The following PDE4D variants were observed in gnomAD, a reference collection of about 807,000 sequenced individuals.
The protein encoded by PDE4D is 3',5'-cyclic-AMP phosphodiesterase 4D.
In PDE4D, 24 loss-of-function variants were observed where a neutral mutation model predicts 87.4. The observed-to-expected ratio is 0.27, with a 90% CI of 0.20 to 0.39. The LOEUF (loss-of-function observed/expected upper bound fraction) is 0.39. PDE4D is among the 10% of genes least tolerant of loss of function. The probability of loss-of-function intolerance (pLI) is 1.00; values close to 1 mark genes in which losing one functional copy is unlikely to be tolerated. For missense variants in PDE4D, 714 were observed against 1,041.0 expected, an observed-to-expected ratio of 0.69 and a Z score of 4.32; for synonymous variants, 384 against 383.2, an observed-to-expected ratio of 1.00 and a Z score of -0.02.
intron 1 of PDE4D, among the ~76,000 whole-genome samples, chr5:60,509,155 A>C (rs1051446138): frequency 3.3e-5 from 5 of 152,176 alleles, no homozygotes; most frequent in African/African-American, 1.2e-4. Flanking sequence ...TCTTCTTATT[A>C]CAGCCTTCTT....
intron 2 of PDE4D, among the ~76,000 whole-genome samples, chr5:60,085,210 G>A (rs1774403853): frequency 6.6e-6 from 1 of 152,066 alleles, no homozygotes; most frequent in Admixed American, 6.6e-5. Flanking sequence ...AATGAGAGGG[G>A]AAAAGAGTTC....
chr5:60,004,239 G>A (rs991140229), intron 2 of PDE4D, among the ~76,000 whole-genome samples: 6 of 152,086 alleles, frequency 3.9e-5, no homozygotes, highest in African/African-American at 1.4e-4. Flanking sequence ...ACATATGGAT[G>A]ATAGAAAATA....
chr5:60,336,793 G>C (rs965028846), intron 1 of PDE4D, among the ~76,000 whole-genome samples: 1 of 152,098 alleles, frequency 6.6e-6, no homozygotes, highest in Non-Finnish European at 1.5e-5. Context: ...TTCCCACACT[G>C]GCAATACCCA....
At chr5:59,783,994 G>C (rs1327916586) in intron 1 of PDE4D, among the ~76,000 whole-genome samples, 1 of 152,162 alleles carries the variant, frequency 6.6e-6, no homozygotes, top group East Asian at 1.9e-4. Flanking sequence ...GAAGGTCAAG[G>C]CTGCAGTGAG....
intron 1 of PDE4D, among the ~76,000 whole-genome samples, chr5:59,516,754 T>G (rs1228607218): frequency 6.6e-6 from 1 of 152,158 alleles, no homozygotes; most frequent in East Asian, 1.9e-4. Flanking sequence ...AACAATATTT[T>G]TAAGGCTTAA....
intron 3 of PDE4D, among the ~76,000 whole-genome samples, chr5:59,911,201 G>T (rs1753402601): frequency 6.6e-6 from 1 of 152,166 alleles, no homozygotes; most frequent in South Asian, 2.1e-4. Context: ...TGCGATTTAG[G>T]AATCATGCAT....
chr5:60,418,888 A>T (rs1742852766), intron 1 of PDE4D, among the ~76,000 whole-genome samples: 1 of 152,086 alleles, frequency 6.6e-6, no homozygotes, highest in South Asian at 2.1e-4. Flanking sequence ...TTGTTATAAC[A>T]AGAAACTTGT....
intron 1 of PDE4D, among the ~76,000 whole-genome samples, chr5:59,403,191 T>A (rs62357474): frequency 1.4e-5 from 2 of 141,312 alleles, no homozygotes; most frequent in Non-Finnish European, 3.2e-5. Context: ...ATAGATAGAT[T>A]GATTGATTTA....
chr5:60,222,457 T>A (rs1292814127), intron 1 of PDE4D, among the ~76,000 whole-genome samples: 1 of 152,184 alleles, frequency 6.6e-6, no homozygotes, highest in African/African-American at 2.4e-5. Context: ...TTATTCTTGT[T>A]ATAAGCCATT....
chr5:60,283,864 A>G (rs1301474777), intron 1 of PDE4D, among the ~76,000 whole-genome samples: 1 of 152,122 alleles, frequency 6.6e-6, no homozygotes, highest in Non-Finnish European at 1.5e-5. Context: ...GGAAAGGCAC[A>G]TGAGGACTGC....
chr5:60,405,387 G>C (rs1272180202), intron 1 of PDE4D, among the ~76,000 whole-genome samples: 1 of 152,160 alleles, frequency 6.6e-6, no homozygotes, highest in African/African-American at 2.4e-5. Flanking sequence ...CATTATAATA[G>C]AAGATCTGGC....
In PDE4D at chr5:58,976,428, A is replaced by G; in HGVS notation, c.1752T>C (p.Asp584=). The change falls in exon 13 of 15, where the codon GAT becomes GAC. Residue 584 remains aspartate (D), a synonymous_variant. Transcript: ENST00000340635. ...DMSKHMNLLA[D]LKTMVETKKV... The stretch of plus-strand genomic sequence containing the variant: ...TCTTAGTTTCAACCATAGTCTTCAA[A>G]TCAGCCAGTAGATTCATGTGTTTTG... 1 of 1,596,638 alleles carries G rather than the reference A, an allele frequency of 6.3e-7. No individual in the cohort carries two copies. Among genetic ancestry groups the G allele is most frequent in the Non-Finnish European group, 8.5e-7 (1 of 1,170,754 alleles).
intron 2 of PDE4D, among the ~76,000 whole-genome samples, chr5:59,209,791 T>C (rs533860507): frequency 6.6e-6 from 1 of 152,320 alleles, no homozygotes; most frequent in South Asian, 2.1e-4. Flanking sequence ...CAGCAACTGC[T>C]GAAAACCCAA....
At chr5:60,348,515 T>A (rs1043541489) in intron 1 of PDE4D, among the ~76,000 whole-genome samples, 4 of 152,160 alleles carry the variant, frequency 2.6e-5, no homozygotes, top group African/African-American at 9.7e-5. Flanking sequence ...TAATTAGTCT[T>A]AGTAGAAAAA....
At chr5:59,664,435 T>C (rs1167078130) in intron 1 of PDE4D, among the ~76,000 whole-genome samples, 1 of 152,226 alleles carries the variant, frequency 6.6e-6, no homozygotes, top group Non-Finnish European at 1.5e-5. Flanking sequence ...GAATAACAGC[T>C]TTCATATATA....
chr5:59,246,382 T>C (rs1046084914), intron 1 of PDE4D, among the ~76,000 whole-genome samples: 1 of 152,086 alleles, frequency 6.6e-6, no homozygotes, highest in African/African-American at 2.4e-5. Flanking sequence ...AGATACTACT[T>C]AAAAACCAAA....
intron 1 of PDE4D, among the ~76,000 whole-genome samples, chr5:59,663,386 G>T (rs1745567337): frequency 6.6e-6 from 1 of 151,900 alleles, no homozygotes; most frequent in Admixed American, 6.6e-5. Flanking sequence ...GGCCAGGCTG[G>T]TCTCAAACTC....
At chr5:60,393,174 C>G (rs1762667222) in intron 1 of PDE4D, among the ~76,000 whole-genome samples, 1 of 152,186 alleles carries the variant, frequency 6.6e-6, no homozygotes, top group South Asian at 2.1e-4. Context: ...AATTCCACAA[C>G]CTGCTTTTGT....
intron 2 of PDE4D, among the ~76,000 whole-genome samples, chr5:60,022,119 G>T (rs895494532): frequency 6.6e-6 from 1 of 152,118 alleles, no homozygotes; most frequent in Non-Finnish European, 1.5e-5. Flanking sequence ...TTCCAGCTGT[G>T]GTTTTGTCAA....
Sources: allele counts gnomAD v4.1 joint callset (sites outside exome capture counted in the v4.1 genomes callset), GRCh38; gene constraint gnomAD v4.1.1; transcripts MANE v1.5; gene names NCBI Gene and HGNC (gene_info 2026-07-23, HGNC 2026-07-21).